Variants in SAMD12 observed in about 807,000 individuals in gnomAD.
SAMD12 encodes the protein sterile alpha motif domain containing 12.
SAMD12 carries 9 observed loss-of-function variants against 15.0 expected under a neutral mutation model. The observed-to-expected ratio is 0.60, with a 90% CI of 0.36 to 1.05. The LOEUF (loss-of-function observed/expected upper bound fraction) is 1.05, where lower values mean the gene tolerates loss of function less well. Among genes scored for constraint, SAMD12 ranks in the 50% least tolerant of loss-of-function variants. The pLI, the probability that SAMD12 is intolerant of heterozygous loss-of-function variation, is 0.01. For synonymous variants in SAMD12, 86 were observed against 90.1 expected (o/e 0.96, Z 0.25); for missense variants, 230 against 234.2 (o/e 0.98, Z 0.12).
exon 5 of SAMD12, chr8:118,191,131 A>C (rs1416969013): frequency 6.6e-6 from 1 of 152,172 alleles, no homozygotes; most frequent in Non-Finnish European, 1.5e-5. Flanking sequence ...TGCTGGCTTG[A>C]CTTTTCAGCA....
At chr8:118,346,874 G>A (rs1031835122) in intron 4 of SAMD12, among the ~76,000 whole-genome samples, 7 of 152,290 alleles carry the variant, frequency 4.6e-5, no homozygotes, top group South Asian at 2.1e-4. Context: ...AAATGTCTAT[G>A]AGGCAAGCTC....
At chr8:118,277,813 T>C (rs1017088698) in intron 4 of SAMD12, among the ~76,000 whole-genome samples, 1 of 152,182 alleles carries the variant, frequency 6.6e-6, no homozygotes, top group Non-Finnish European at 1.5e-5. Context: ...GCCCATCTAA[T>C]TCCATAGTCA....
intron 3 of SAMD12, among the ~76,000 whole-genome samples, chr8:118,387,484 GTAA>G (rs3050891): frequency 6.6e-6 from 1 of 151,816 alleles, no homozygotes; most frequent in Non-Finnish European, 1.5e-5. Flanking sequence ...CCTCATAATT[GTAA>G]TAATATCAAA....
the SAMD12 span, among the ~76,000 whole-genome samples, chr8:118,163,768 A>G: frequency 7.9e-5 from 12 of 152,202 alleles, no homozygotes; most frequent in South Asian, 6.2e-4. Context: ...CCAGCTACTC[A>G]GGAGGCTGAG....
At chr8:118,427,818 C>T (rs1237930220) in intron 3 of SAMD12, among the ~76,000 whole-genome samples, 1 of 152,154 alleles carries the variant, frequency 6.6e-6, no homozygotes, top group African/African-American at 2.4e-5. Flanking sequence ...AGAATCATCT[C>T]ATAAGTTTGT....
chr8:118,197,706 G>T, exon 5 of SAMD12: 1 of 1,613,042 alleles, frequency 6.2e-7, no homozygotes, highest in Non-Finnish European at 8.5e-7. Context: ...AAGGCTAACC[G>T]TGTTTATGGA....
chr8:118,418,490 T>G (rs960398618), intron 3 of SAMD12, among the ~76,000 whole-genome samples: 1 of 151,846 alleles, frequency 6.6e-6, no homozygotes, highest in East Asian at 1.9e-4. Context: ...CCGAGGCGGG[T>G]GGATCACAAG....
chr8:118,478,031 A>AC, intron 2 of SAMD12, among the ~76,000 whole-genome samples: 1 of 150,798 alleles, frequency 6.6e-6, no homozygotes, highest in Middle Eastern at 3.5e-3. Context: ...AAAAAAAAAA[A>AC]AGAATTATAT....
chr8:118,417,677 C>T (rs1013233844), intron 3 of SAMD12, among the ~76,000 whole-genome samples: 1 of 151,300 alleles, frequency 6.6e-6, no homozygotes, highest in Non-Finnish European at 1.5e-5. Context: ...AAAGAAAATC[C>T]CCTAAAAATT....
At chr8:118,221,947 GAGA>G (rs1488070977) in intron 4 of SAMD12, among the ~76,000 whole-genome samples, 2 of 152,214 alleles carry the variant, frequency 1.3e-5, no homozygotes, top group South Asian at 2.1e-4. Flanking sequence ...TCCTGGAACA[GAGA>G]AGAACTTCAG....
intron 2 of SAMD12, among the ~76,000 whole-genome samples, chr8:118,551,494 A>G (rs1217113569): frequency 6.6e-6 from 1 of 152,104 alleles, no homozygotes; most frequent in Non-Finnish European, 1.5e-5. Flanking sequence ...CAAAGACACA[A>G]CATACCAGAA....
chr8:118,511,093 C>T (rs923871176), intron 2 of SAMD12, among the ~76,000 whole-genome samples: 4 of 152,028 alleles, frequency 2.6e-5, no homozygotes, highest in Non-Finnish European at 4.4e-5. Context: ...TCATCTAGAA[C>T]GGTAGAAGAA....
intron 2 of SAMD12, among the ~76,000 whole-genome samples, chr8:118,522,996 C>T (rs995412097): frequency 6.6e-5 from 10 of 152,152 alleles, no homozygotes; most frequent in African/African-American, 1.9e-4. Flanking sequence ...TGATATTTGA[C>T]ATTTCTCTAG....
At chr8:118,528,942 G>A (rs1016946211) in intron 2 of SAMD12, among the ~76,000 whole-genome samples, 23 of 152,236 alleles carry the variant, frequency 1.5e-4, no homozygotes, top group African/African-American at 2.6e-4. Flanking sequence ...CACCCCCGCC[G>A]TAAGGCAGAA....
intron 4 of SAMD12, among the ~76,000 whole-genome samples, chr8:118,245,152 T>C (rs1563713081): frequency 6.6e-6 from 1 of 152,154 alleles, no homozygotes; most frequent in Admixed American, 6.6e-5. Context: ...AGCCATTTAT[T>C]TTCTGCTTCA....
the SAMD12 span, among the ~76,000 whole-genome samples, chr8:118,145,324 T>C: frequency 3.9e-5 from 6 of 152,212 alleles, no homozygotes; most frequent in African/African-American, 1.2e-4. Flanking sequence ...ATTCTTGAAG[T>C]GCATTTTATA....
intron 2 of SAMD12, among the ~76,000 whole-genome samples, chr8:118,567,672 G>C (rs1216498130): frequency 6.6e-6 from 1 of 152,214 alleles, no homozygotes; most frequent in Non-Finnish European, 1.5e-5. Context: ...CAAGTAGCCA[G>C]ATGTCATTTC....
intron 3 of SAMD12, among the ~76,000 whole-genome samples, chr8:118,397,916 G>A (rs369592676): frequency 1.1e-4 from 16 of 152,156 alleles, no homozygotes; most frequent in Non-Finnish European, 1.9e-4. Flanking sequence ...TCTCAGCCCC[G>A]CAGTAGCTGG....
At chr8:118,449,815 AAAC>A (rs1554666050) in intron 2 of SAMD12, among the ~76,000 whole-genome samples, 1 of 138,946 alleles carries the variant, frequency 7.2e-6, no homozygotes, top group Admixed American at 7.1e-5. Flanking sequence ...AAAAAAAAAA[AAAC>A]AACAAAAAAA....
Sources: allele counts gnomAD v4.1 joint callset (sites outside exome capture counted in the v4.1 genomes callset), GRCh38; gene constraint gnomAD v4.1.1; transcripts MANE v1.5; gene names NCBI Gene and HGNC (gene_info 2026-07-23, HGNC 2026-07-21).